The following ALG9 variants were observed in gnomAD, a reference collection of about 807,000 sequenced individuals.
ALG9 encodes the protein ALG9 alpha-1,2-mannosyltransferase, also known as alpha-1,2-mannosyltransferase ALG9.
In ALG9, 55 loss-of-function variants were observed where a neutral mutation model predicts 81.8. That is an observed-to-expected ratio of 0.67 (90% CI 0.54 to 0.84). ALG9 has a LOEUF of 0.84. ALG9 is among the 40% of genes least tolerant of loss of function. The pLI is 0.00. For synonymous variants in ALG9, 278 were observed against 274.3 expected, an observed-to-expected ratio of 1.01 and a Z score of -0.13; for missense variants, 629 against 745.0, an observed-to-expected ratio of 0.84 and a Z score of 1.81.
intron 14 of ALG9, chr11:111,805,171 T>A (rs545201574): frequency 1.8e-5 from 8 of 437,666 alleles, no homozygotes; most frequent in South Asian, 1.3e-4. Flanking sequence ...ATGGGATTAA[T>A]GTCCTTATAA....
At chr11:111,862,193 A>C (rs1425603819) in intron 4 of ALG9, among the ~76,000 whole-genome samples, 1 of 149,460 alleles carries the variant, frequency 6.7e-6, no homozygotes, top group African/African-American at 2.5e-5. Context: ...ATCTGATTAG[A>C]TGTATGTCAG....
chr11:111,848,285 T>C (rs1470985839), intron 8 of ALG9, among the ~76,000 whole-genome samples: 1 of 152,166 alleles, frequency 6.6e-6, no homozygotes, highest in Non-Finnish European at 1.5e-5. Context: ...CTCCCTTTAT[T>C]TTCCCCAGCT....
At chr11:111,861,243 T>A (rs1592370619) in intron 4 of ALG9, among the ~76,000 whole-genome samples, 1 of 152,236 alleles carries the variant, frequency 6.6e-6, no homozygotes, top group East Asian at 1.9e-4. Flanking sequence ...ACCCCACAAA[T>A]TAAATGTATT....
At chr11:111,798,963 T>A (rs1332799283) in intron 14 of ALG9, among the ~76,000 whole-genome samples, 4 of 152,234 alleles carry the variant, frequency 2.6e-5, no homozygotes, top group Non-Finnish European at 5.9e-5. Flanking sequence ...TTAGCCTTAT[T>A]TAGTAAGTAC....
At chr11:111,802,189 T>G (rs1264153709) in intron 14 of ALG9, among the ~76,000 whole-genome samples, 2 of 152,228 alleles carry the variant, frequency 1.3e-5, no homozygotes, top group Non-Finnish European at 2.9e-5. Context: ...TCGGTTCCCT[T>G]GTTCCTTCAG....
At chr11:111,830,266 TC>T (rs1195975726) in intron 13 of ALG9, among the ~76,000 whole-genome samples, 2 of 152,258 alleles carry the variant, frequency 1.3e-5, no homozygotes, top group Non-Finnish European at 1.5e-5. Context: ...CAAGTATTTT[TC>T]TGTCTTTTCA....
At chr11:111,793,742 C>CA (rs1947815881) in intron 14 of ALG9, among the ~76,000 whole-genome samples, 1 of 129,372 alleles carries the variant, frequency 7.7e-6, no homozygotes, top group African/African-American at 3.0e-5. Flanking sequence ...GCCTGGGTGA[C>CA]AGAGTGAGAG....
chr11:111,793,797 C>G (rs1947834886), intron 14 of ALG9, among the ~76,000 whole-genome samples: 1 of 151,168 alleles, frequency 6.6e-6, no homozygotes, highest in Admixed American at 6.6e-5. Context: ...CAGTTGTGCA[C>G]TGGAATGACA....
At position 111,836,214 on chromosome 11, in the gene ALG9, A is replaced by G; in HGVS notation, c.1553T>C (p.Ile518Thr). 6.2e-7 allele frequency: 1 copy of G among 1,614,064 alleles called. No individual in the cohort carries two copies. The highest frequency in any genetic ancestry group is 8.5e-7 in the Non-Finnish European group (1 of 1,179,942). ...PFAEGPLATR[I>T]VPTDMNDQNL... ...CTGGTCATTCATGTCAGTAGGAACA[A>G]TCCGGGTGGCCAGAGGTCCTTCTGC... Residue 518 changes from isoleucine to threonine, a missense_variant, in exon 13 of 15, where the codon ATT becomes ACT. By Grantham distance (89) the Ile-to-Thr change is moderately conservative (BLOSUM62 -1). Transcript: ENST00000616540.
At position 111,783,057 on chromosome 11, in the gene ALG9, C is replaced by T. The variant is rs1946087125; in HGVS notation, c.*3340G>A. On this transcript the variant is annotated 3_prime_UTR_variant, in exon 15 of 15. Coordinates refer to ENST00000616540, the MANE Select transcript of ALG9 (RefSeq NM_024740.2). Reference sequence around the variant, plus strand: ...GGTTCAGTAATGGTACTCAGCATCACAAGATTTGGGGATTCAGATAAGGCT... The same window carrying T: ...GGTTCAGTAATGGTACTCAGCATCATAAGATTTGGGGATTCAGATAAGGCT... The T allele has an allele frequency of 6.6e-6, 1 of 152,120 alleles. No homozygotes were observed. The highest frequency in any genetic ancestry group is 1.5e-5 in the Non-Finnish European group (1 of 68,050). The allele number at this position is 152,120 out of a possible 1,614,324, so 9.4% of individuals were successfully genotyped here.
intron 8 of ALG9, among the ~76,000 whole-genome samples, chr11:111,847,622 T>G (rs1163286225): frequency 6.6e-6 from 1 of 152,206 alleles, no homozygotes; most frequent in African/African-American, 2.4e-5. Context: ...CCAATCACTT[T>G]CTTTTCTGCA....
In ALG9 at chr11:111,785,479, C is replaced by CT. The variant is rs1279872928; in HGVS notation, c.*917dup. The stretch of plus-strand genomic sequence containing the variant: ...TAGGTGCTATAAATATACACTGATC[C>CT]TTTTCACTGGGGGTGGTTAAAAAAA... On this transcript the variant is annotated 3_prime_UTR_variant, in exon 15 of 15. Transcript: ENST00000616540. 3 of 154,006 alleles carry CT rather than the reference C, an allele frequency of 1.9e-5. No individual in the cohort carries two copies. The highest frequency in any genetic ancestry group is 7.2e-5 in the African/African-American group (3 of 41,438). The allele number at this position is 154,006 out of a possible 1,614,324, so 9.5% of individuals were successfully genotyped here.
chr11:111,784,335 T>C lies in ALG9; in HGVS notation c.*2062A>G, dbSNP rs1044098206. The C allele has an allele frequency of 3.9e-5, 6 of 152,366 alleles. No homozygotes were observed. Among genetic ancestry groups the C allele is most frequent in the Middle Eastern group, 3.4e-3 (1 of 294 alleles). The allele number at this position is 152,366 out of a possible 1,614,324, so 9.4% of individuals were successfully genotyped here. A position where few individuals can be genotyped will look rare whatever the true frequency, so the allele number is the denominator to read the frequency against. The stretch of plus-strand genomic sequence containing the variant: ...CAGAGGAGATCTCAAAGAGGAGCTT[T>C]TTAATATTGTAACTAGCCATTTCTT... On this transcript the variant is annotated 3_prime_UTR_variant, in exon 15 of 15. Coordinates refer to ENST00000616540, the MANE Select transcript of ALG9 (RefSeq NM_024740.2).
At position 111,838,273 on chromosome 11, in the gene ALG9, A is replaced by C; in HGVS notation, c.1300T>G (p.Ser434Ala). The C allele has an allele frequency of 6.2e-7, 1 of 1,614,168 alleles. No individual in the cohort carries two copies. The highest frequency in any genetic ancestry group is 1.1e-5 in the South Asian group (1 of 91,082). Residue 434 changes from serine to alanine, a missense_variant, in exon 11 of 15, where the codon TCT becomes GCT. Physicochemically the swap from Ser to Ala is moderately conservative, Grantham distance 99. Around this residue, in one of 3 missense-constraint regions of ALG9, gnomAD observed 264 missense variants for 302.2 expected, o/e 0.87. Transcript: ENST00000616540. ...CCTCTGAACAGTGCCACAGAGCGAG[A>C]AAATGACAAGAGCCCAAACAGGAAG... ...TVFLFGLLSF[S>A]RSVALFRGYH...
At chr11:111,852,663 C>T (rs559261462) in intron 8 of ALG9, among the ~76,000 whole-genome samples, 1 of 152,202 alleles carries the variant, frequency 6.6e-6, no homozygotes, top group African/African-American at 2.4e-5. Flanking sequence ...GGGCCGGGCA[C>T]GGTGGCTCAT....
intron 14 of ALG9, among the ~76,000 whole-genome samples, chr11:111,787,314 T>TC (rs1432909852): frequency 1.6e-3 from 241 of 151,736 alleles, no homozygotes; most frequent in African/African-American, 5.6e-3. Flanking sequence ...ATGCCTGTAA[T>TC]CCCAGCTACT....
intron 14 of ALG9, 138 bp downstream of exon 14, chr11:111,809,505 G>T: frequency 2.0e-6 from 2 of 997,890 alleles, no homozygotes; most frequent in Non-Finnish European, 3.0e-6. Context: ...GGGCAACAGA[G>T]TGAGACTCCA....
At chr11:111,859,379 G>C (rs1555145996) in intron 5 of ALG9, among the ~76,000 whole-genome samples, 1 of 151,988 alleles carries the variant, frequency 6.6e-6, no homozygotes, top group East Asian at 1.9e-4. Flanking sequence ...GTGCACGCCT[G>C]TAATCCCAGC....
downstream of ALG9, among the ~76,000 whole-genome samples, chr11:111,777,538 G>A (rs914762232): frequency 7.2e-5 from 11 of 152,172 alleles, no homozygotes; most frequent in African/African-American, 1.4e-4. Flanking sequence ...GTCAGAGACA[G>A]TGATACTTGG....
Sources: gnomAD v4.1 joint callset for allele counts (sites outside exome capture counted in the v4.1 genomes callset) on GRCh38, gnomAD v4.1.1 for gene constraint, gnomAD v4.1.1 regional missense constraint, MANE v1.5 for transcripts, NCBI Gene and HGNC (gene_info 2026-07-23, HGNC 2026-07-21) for gene names.